Variants in CMSS1 observed in about 807,000 individuals in gnomAD.
CMSS1 encodes protein CMSS1.
A neutral mutation model predicts 43.5 loss-of-function variants in CMSS1; 33 were observed. The observed-to-expected ratio is 0.76, with a 90% CI of 0.57 to 1.01. The LOEUF is 1.01. Among genes scored for constraint, CMSS1 ranks in the 50% least tolerant of loss-of-function variants. The pLI, the probability that CMSS1 is intolerant of heterozygous loss-of-function variation, is 0.00. For synonymous variants in CMSS1, 115 were observed against 117.2 expected (o/e 0.98, Z 0.12); for missense variants, 313 against 326.4 (o/e 0.96, Z 0.32).
At chr3:100,078,009 G>A (rs2065876494) in intron 1 of CMSS1, among the ~76,000 whole-genome samples, 1 of 151,700 alleles carries the variant, frequency 6.6e-6, no homozygotes, top group African/African-American at 2.4e-5. Context: ...TTAACAGCCA[G>A]CTAAAACATT....
intron 1 of CMSS1, among the ~76,000 whole-genome samples, chr3:100,042,653 G>T (rs2065223978): frequency 6.6e-6 from 1 of 152,208 alleles, no homozygotes; most frequent in Non-Finnish European, 1.5e-5. Context: ...ATTTACTGAA[G>T]AATTTTATTG....
chr3:100,161,489 G>C (rs1370179040), intron 3 of CMSS1, among the ~76,000 whole-genome samples: 1 of 152,038 alleles, frequency 6.6e-6, no homozygotes, highest in Non-Finnish European at 1.5e-5. Context: ...ATTTTTAAAA[G>C]TTAATTTCTT....
At chr3:100,082,045 A>G (rs2065940595) in intron 1 of CMSS1, among the ~76,000 whole-genome samples, 1 of 152,196 alleles carries the variant, frequency 6.6e-6, no homozygotes, top group Admixed American at 6.5e-5. Flanking sequence ...TTCTCTCCCC[A>G]TCTTCCAAAA....
chr3:100,082,043 C>T (rs1193089014), intron 1 of CMSS1, among the ~76,000 whole-genome samples: 1 of 152,156 alleles, frequency 6.6e-6, no homozygotes, highest in African/African-American at 2.4e-5. Flanking sequence ...TATTCTCTCC[C>T]CATCTTCCAA....
At position 99,921,703 on chromosome 3, in the gene CMSS1, A is replaced by G. The variant is rs570244118; in HGVS notation, c.64+103660A>G. ...ATTATTCTTCAAGGTAAAGAATCCT[A>G]TAAAGGAAACTTTATATCCTATAAA... On this transcript the variant is annotated intron_variant, in intron 1 of 9. Coordinates refer to ENST00000421999, the MANE Select transcript of CMSS1 (RefSeq NM_032359.4). 3.9e-5 allele frequency among the ~76,000 whole-genome samples: 6 copies of G among 152,348 alleles called. No homozygotes were observed. In the East Asian group the frequency reaches 9.6e-4, roughly 24 times the overall value.
intron 1 of CMSS1, among the ~76,000 whole-genome samples, chr3:99,872,778 A>G (rs1352383035): frequency 2.6e-5 from 4 of 152,194 alleles, no homozygotes; most frequent in Non-Finnish European, 4.4e-5. Flanking sequence ...CTCAGAGAAC[A>G]AGCATGAAGA....
chr3:99,901,123 T>C (rs1576558956), intron 1 of CMSS1, among the ~76,000 whole-genome samples: 1 of 152,246 alleles, frequency 6.6e-6, no homozygotes, highest in Non-Finnish European at 1.5e-5. Context: ...TGTTATTTAA[T>C]ACAAATCAAG....
intron 1 of CMSS1, chr3:99,849,051 A>G (rs1160822982): frequency 1.9e-6 from 3 of 1,614,134 alleles, no homozygotes; most frequent in Non-Finnish European, 2.5e-6. Context: ...GCATTTTTCC[A>G]TTCTGAAGAT....
chr3:100,168,880 TACAC>T (rs10658783), intron 6 of CMSS1, among the ~76,000 whole-genome samples: 1 of 149,028 alleles, frequency 6.7e-6, no homozygotes, highest in Non-Finnish European at 1.5e-5. Flanking sequence ...TATATATATA[TACAC>T]ACACACACAT....
intron 1 of CMSS1, chr3:99,847,993 A>C: frequency 9.2e-7 from 1 of 1,082,512 alleles, no homozygotes; most frequent in Non-Finnish European, 1.1e-6. Context: ...GTTGCAGTCA[A>C]ATTAAAGTGA....
intron 1 of CMSS1, among the ~76,000 whole-genome samples, chr3:100,100,679 T>A (rs1251944168): frequency 4.6e-5 from 7 of 152,188 alleles, no homozygotes; most frequent in Admixed American, 2.0e-4. Context: ...ATGAAAGGAC[T>A]ATTGACCCTT....
chr3:99,982,138 A>G (rs1709142001), intron 1 of CMSS1, among the ~76,000 whole-genome samples: 4 of 152,188 alleles, frequency 2.6e-5, no homozygotes, highest in Admixed American at 1.3e-4. Flanking sequence ...AAAAACTAAA[A>G]CAATATAAGT....
chr3:100,166,283 TTG>T, intron 4 of CMSS1, 50 bp from the exon 5 acceptor site: 47 of 1,179,386 alleles, frequency 4.0e-5, no homozygotes, highest in Non-Finnish European at 5.2e-5. Context: ...TCTGTTTTGA[TTG>T]TGTGTGTGTT....
chr3:100,097,167 T>C (rs745619908), intron 1 of CMSS1, among the ~76,000 whole-genome samples: 108 of 152,236 alleles, frequency 7.1e-4, no homozygotes, highest in Non-Finnish European at 6.6e-4. Flanking sequence ...ATGCGAGAGA[T>C]CTAGGTTACA....
intron 1 of CMSS1, among the ~76,000 whole-genome samples, chr3:99,857,836 G>GTA (rs1323673917): frequency 6.6e-6 from 1 of 152,178 alleles, no homozygotes; most frequent in Non-Finnish European, 1.5e-5. Context: ...TGTTCACTAT[G>GTA]TAAATCTTGA....
chr3:99,859,086 A>G (rs754414190), intron 1 of CMSS1, among the ~76,000 whole-genome samples: 23 of 152,248 alleles, frequency 1.5e-4, no homozygotes, highest in Non-Finnish European at 2.9e-4. Context: ...TTCATAAGAC[A>G]TTGTGTTTTG....
chr3:100,149,946 C>T (rs1007602119), intron 2 of CMSS1, among the ~76,000 whole-genome samples: 1 of 152,162 alleles, frequency 6.6e-6, no homozygotes, highest in African/African-American at 2.4e-5. Context: ...CCTCCAACCA[C>T]ATCCCTGATT....
chr3:99,964,409 G>A lies in CMSS1; in HGVS notation c.64+146366G>A, dbSNP rs1708585655. The A allele has an allele frequency of 4.6e-5, 7 of 151,274 alleles. No homozygotes were observed. In the South Asian group the frequency reaches 1.5e-3, roughly 32 times the overall value. The allele number at this position is 151,274 out of a possible 1,614,324, so 9.4% of individuals were successfully genotyped here. On this transcript the variant is annotated intron_variant, in intron 1 of 9. Transcript: ENST00000421999. ...TTGTACTGGGCTAGGTGATGTTTAG[G>A]ATGGGTCCTTAAACAGGATCAAGGC...
rs1559781047 is a variant in CMSS1, at chr3:100,178,438, A to T, written c.*50A>T. On this transcript the variant is annotated 3_prime_UTR_variant, in exon 10 of 10. Coordinates refer to ENST00000421999, the MANE Select transcript of CMSS1 (RefSeq NM_032359.4). ...GTTTTCACAGTAGAAGTTGCATCTT[A>T]TTTAATGACTCTGATACATTGCAAG... 8.7e-7 allele frequency: 1 copy of T among 1,152,762 alleles called. No individual in the cohort carries two copies. Among genetic ancestry groups the T allele is most frequent in the Admixed American group, 1.8e-5 (1 of 54,770 alleles). The allele number at this position is 1,152,762 out of a possible 1,614,324, so 71.4% of individuals were successfully genotyped here.
Sources: allele counts gnomAD v4.1 joint callset (sites outside exome capture counted in the v4.1 genomes callset), GRCh38; gene constraint gnomAD v4.1.1; transcripts MANE v1.5; gene names NCBI Gene and HGNC (gene_info 2026-07-23, HGNC 2026-07-21).